Variants in ARHGAP6 observed in about 807,000 individuals in gnomAD.
ARHGAP6 encodes Rho GTPase activating protein 6.
A neutral mutation model predicts 55.7 loss-of-function variants in ARHGAP6; 16 were observed. That is an observed-to-expected ratio of 0.29 (90% confidence interval 0.19 to 0.44). The LOEUF is 0.44. Among genes scored for constraint, ARHGAP6 ranks in the 20% least tolerant of loss-of-function variants. The pLI, the probability that ARHGAP6 is intolerant of heterozygous loss-of-function variation, is 1.00. For missense variants in ARHGAP6, 698 were observed against 808.9 expected (o/e 0.86, Z 1.66); for synonymous variants, 382 against 360.9 (o/e 1.06, Z -0.66).
At chrX:11,387,391 T>A (rs1353511089) in intron 1 of ARHGAP6, among the ~76,000 whole-genome samples, 2 of 111,360 alleles carry the variant, frequency 1.8e-5, no homozygotes, top group African/African-American at 6.5e-5. Flanking sequence ...AGAGAGTAAA[T>A]GTGAGGTCCC....
At chrX:11,575,290 C>T (rs1482938478) in intron 1 of ARHGAP6, among the ~76,000 whole-genome samples, 1 of 111,882 alleles carries the variant, frequency 8.9e-6, no homozygotes, top group Non-Finnish European at 1.9e-5. Flanking sequence ...GCCTGCCCTC[C>T]AAATGCCTAA....
chrX:11,233,158 G>A (rs1479558069), intron 2 of ARHGAP6, among the ~76,000 whole-genome samples: 3 of 112,066 alleles, frequency 2.7e-5, no homozygotes, highest in Non-Finnish European at 5.6e-5. Flanking sequence ...GACATTTTTT[G>A]TTACTAGATT....
chrX:11,383,333 T>C (rs1240368655), intron 1 of ARHGAP6, among the ~76,000 whole-genome samples: 1 of 111,465 alleles, frequency 9.0e-6, no homozygotes, highest in East Asian at 2.8e-4. Flanking sequence ...GGAAATCCTT[T>C]GATAGTAAGA....
At chrX:11,201,907 C>A (rs181669437) in intron 2 of ARHGAP6, among the ~76,000 whole-genome samples, 1 of 109,376 alleles carries the variant, frequency 9.1e-6, no homozygotes, top group Non-Finnish European at 1.9e-5. Flanking sequence ...ATAACCCAAC[C>A]ATATCAGGTG....
intron 1 of ARHGAP6, among the ~76,000 whole-genome samples, chrX:11,530,392 T>C (rs1373103395): frequency 8.9e-6 from 1 of 112,288 alleles, no homozygotes; most frequent in East Asian, 2.8e-4. Flanking sequence ...AAAACTGTTA[T>C]AAAGCAAAGT....
chrX:11,213,653 C>A (rs1202386750), intron 2 of ARHGAP6, among the ~76,000 whole-genome samples: 5 of 112,575 alleles, frequency 4.4e-5, no homozygotes, highest in African/African-American at 1.6e-4. Flanking sequence ...AAGTAAAACA[C>A]AGACAAATAT....
Position 11,421,634 on chromosome X carries a change from T to A in ARHGAP6, c.589-166927A>T, listed in dbSNP as rs1432327892. ...CTCTGAAAACTTGTACTAGATTACCTCAGAGTCAGCTGAGGTGAAGTATTG... is the reference window on the plus strand; with the variant it reads ...CTCTGAAAACTTGTACTAGATTACCACAGAGTCAGCTGAGGTGAAGTATTG... On this transcript the variant is annotated intron_variant, in intron 1 of 12. Coordinates refer to ENST00000337414, the MANE Select transcript of ARHGAP6 (RefSeq NM_013427.3). Among the ~76,000 whole-genome samples the A allele has an allele frequency of 6.2e-5, 7 of 112,132 alleles. No homozygotes were observed. In the East Asian group the frequency reaches 2.0e-3, roughly 31 times the overall value.
At chrX:11,395,330 C>T (rs938027770) in intron 1 of ARHGAP6, among the ~76,000 whole-genome samples, 1 of 111,550 alleles carries the variant, frequency 9.0e-6, no homozygotes, top group Non-Finnish European at 1.9e-5. Context: ...TCTATTACAC[C>T]CTGTTTGCAA....
chrX:11,150,882 C>T (rs1052634231), intron 10 of ARHGAP6, among the ~76,000 whole-genome samples: 1 of 112,314 alleles, frequency 8.9e-6, no homozygotes, highest in Admixed American at 9.4e-5. Context: ...CATGGCTAGT[C>T]TTTTTAAAAT....
intron 1 of ARHGAP6, among the ~76,000 whole-genome samples, chrX:11,440,828 A>T (rs915702767): frequency 1.9e-4 from 21 of 112,277 alleles, no homozygotes; most frequent in African/African-American, 6.5e-4. Flanking sequence ...AGCACCAGCA[A>T]ATCAAGAAAC....
At chrX:11,333,264 G>A (rs1220498179) in intron 1 of ARHGAP6, among the ~76,000 whole-genome samples, 1 of 111,728 alleles carries the variant, frequency 9.0e-6, no homozygotes, top group Non-Finnish European at 1.9e-5. Flanking sequence ...CCGGTGGGAG[G>A]TAACTGAGTC....
At chrX:11,405,072 A>G (rs2049594675) in intron 1 of ARHGAP6, among the ~76,000 whole-genome samples, 1 of 111,798 alleles carries the variant, frequency 8.9e-6, no homozygotes. Context: ...GCGTCCTGGT[A>G]GGCCTAATAT....
At chrX:11,408,675 C>A (rs1398326643) in intron 1 of ARHGAP6, among the ~76,000 whole-genome samples, 1 of 109,826 alleles carries the variant, frequency 9.1e-6, no homozygotes, top group Non-Finnish European at 1.9e-5. Context: ...GTAGAAATTG[C>A]CGTTCAGTGG....
chrX:11,461,652 C>A (rs1223126496), intron 1 of ARHGAP6, among the ~76,000 whole-genome samples: 1 of 112,251 alleles, frequency 8.9e-6, no homozygotes, highest in African/African-American at 3.2e-5. Flanking sequence ...TGCTTCTTGA[C>A]CATCACAACG....
At chrX:11,659,061 G>T (rs151116228) in intron 1 of ARHGAP6, among the ~76,000 whole-genome samples, 1 of 111,378 alleles carries the variant, frequency 9.0e-6, no homozygotes, top group African/African-American at 3.3e-5. Flanking sequence ...GAGTACAGGG[G>T]CCAGATTTTA....
intron 1 of ARHGAP6, among the ~76,000 whole-genome samples, chrX:11,354,339 A>C (rs1178807751): frequency 1.2e-4 from 11 of 89,554 alleles, no homozygotes; most frequent in Non-Finnish European, 2.0e-4. Context: ...ATATATATAT[A>C]TATATATATA....
intron 1 of ARHGAP6, among the ~76,000 whole-genome samples, chrX:11,381,412 A>T (rs1162294258): frequency 2.7e-5 from 3 of 112,190 alleles, no homozygotes; most frequent in Admixed American, 9.4e-5. Context: ...TGAAACATAG[A>T]TGTGTTTTTC....
intron 1 of ARHGAP6, among the ~76,000 whole-genome samples, chrX:11,290,764 TAAGCCAGTGGAGAGGAACCCCAAA>T (rs750626855): frequency 9.0e-6 from 1 of 111,662 alleles, no homozygotes; most frequent in African/African-American, 3.3e-5. Flanking sequence ...ACCCAGGCAG[TAAGCCAGTGGAGAGGAACCCCAAA>T]ACAAACCAAA....
At chrX:11,405,113 G>A (rs777336959) in intron 1 of ARHGAP6, among the ~76,000 whole-genome samples, 4 of 111,620 alleles carry the variant, frequency 3.6e-5, no homozygotes, top group East Asian at 2.8e-4. Context: ...TCCAGCAAAC[G>A]TTAGAGCAGT....
Sources: gnomAD v4.1 joint callset for allele counts (sites outside exome capture counted in the v4.1 genomes callset) on GRCh38, gnomAD v4.1.1 for gene constraint, MANE v1.5 for transcripts, NCBI Gene and HGNC (gene_info 2026-07-23, HGNC 2026-07-21) for gene names.